Variants in BRINP3 observed in about 807,000 individuals in gnomAD.
BRINP3 encodes the protein BMP/retinoic acid-inducible neural-specific protein 3.
In BRINP3, 19 loss-of-function variants were observed where a neutral mutation model predicts 71.0. The observed-to-expected ratio is 0.27, with a 90% CI of 0.19 to 0.39. The LOEUF (loss-of-function observed/expected upper bound fraction) is 0.39. Ranked by LOEUF, BRINP3 falls within the 10% of genes least tolerant of loss-of-function variation. BRINP3 has a pLI of 1.00. For synonymous variants in BRINP3, 380 were observed against 337.7 expected, an observed-to-expected ratio of 1.13 and a Z score of -1.37; for missense variants, 959 against 940.8, an observed-to-expected ratio of 1.02 and a Z score of -0.25.
chr1:190,330,108 T>C (rs763963125), intron 2 of BRINP3, among the ~76,000 whole-genome samples: 1 of 151,888 alleles, frequency 6.6e-6, no homozygotes, highest in Non-Finnish European at 1.5e-5. Context: ...ACAAAAGCAA[T>C]TGAAACAAAA....
intron 2 of BRINP3, among the ~76,000 whole-genome samples, chr1:190,447,848 T>G (rs1675332214): frequency 6.6e-6 from 1 of 151,710 alleles, no homozygotes; most frequent in South Asian, 2.1e-4. Flanking sequence ...TAGCTCATCC[T>G]AATGTTTTTA....
intron 2 of BRINP3, among the ~76,000 whole-genome samples, chr1:190,405,304 A>C (rs2102378530): frequency 6.6e-6 from 1 of 151,976 alleles, no homozygotes; most frequent in East Asian, 1.9e-4. Flanking sequence ...GCAAAAAATT[A>C]GCCAGGCGTG....
intron 7 of BRINP3, among the ~76,000 whole-genome samples, chr1:190,112,034 G>A (rs1194615956): frequency 1.3e-5 from 2 of 152,122 alleles, no homozygotes; most frequent in Non-Finnish European, 2.9e-5. Context: ...GGAATAAATA[G>A]ATAAAAGGGT....
intron 2 of BRINP3, among the ~76,000 whole-genome samples, chr1:190,377,691 A>AG (rs2102228200): frequency 6.6e-6 from 1 of 151,360 alleles, no homozygotes; most frequent in Non-Finnish European, 1.5e-5. Flanking sequence ...AACCAAGTGA[A>AG]GGACTCAAAA....
Position 190,265,024 on chromosome 1 carries a change from C to T in BRINP3, c.459G>A (p.Lys153=), listed in dbSNP as rs762281262. ...CTTCAGCTCGTTTGCTCAACTTCCG[C>T]TTGTCCACAAAAATTGTGAGTGACT... ...GEESLTIFVD[K]RKLSKRAEGS... The change falls in exon 4 of 8, where the codon AAG becomes AAA. Residue 153 remains lysine (K), a synonymous_variant. Coordinates refer to ENST00000367462, the MANE Select transcript of BRINP3 (RefSeq NM_199051.3). The T allele has an allele frequency of 1.9e-6, 3 of 1,607,740 alleles. No individual in the cohort carries two copies. The East Asian group carries it at 6.7e-5, about 36-fold the overall frequency.
At chr1:190,456,586 T>G (rs1329016968) in intron 1 of BRINP3, among the ~76,000 whole-genome samples, 1 of 152,004 alleles carries the variant, frequency 6.6e-6, no homozygotes, top group African/African-American at 2.4e-5. Context: ...TTTTTTCTTA[T>G]GAGAACTATA....
intron 4 of BRINP3, among the ~76,000 whole-genome samples, chr1:190,253,056 C>A (rs897463840): frequency 7.2e-5 from 11 of 152,102 alleles, no homozygotes; most frequent in Non-Finnish European, 2.9e-5. Flanking sequence ...TGACAGTTTG[C>A]TCAGAATGAT....
intron 4 of BRINP3, among the ~76,000 whole-genome samples, chr1:190,247,158 A>T (rs1466817548): frequency 6.6e-6 from 1 of 152,020 alleles, no homozygotes; most frequent in Non-Finnish European, 1.5e-5. Flanking sequence ...GTTACCAAAA[A>T]AAAACACACC....
intron 5 of BRINP3, among the ~76,000 whole-genome samples, chr1:190,233,247 C>T (rs947382511): frequency 1.3e-5 from 2 of 151,926 alleles, no homozygotes; most frequent in African/African-American, 4.8e-5. Flanking sequence ...CAGTGGAGTG[C>T]GGTGGTGTGG....
chr1:190,160,692 G>A lies in BRINP3; in HGVS notation c.1160C>T (p.Pro387Leu). The change falls in exon 7 of 8, where the codon CCC (proline) becomes CTC (leucine). Residue 387 changes from proline to leucine, a missense_variant. Transcript: ENST00000367462. Reference sequence around the variant, plus strand: ...CCTTTGTCTTGGCAGGCTGATGAGGGGTTGTTTATGACACCTCTTGCTAAG... The same window carrying A: ...CCTTTGTCTTGGCAGGCTGATGAGGAGTTGTTTATGACACCTCTTGCTAAG... ...FSLSKRCHKQ[P>L]LISLPRQRTS... The A allele has an allele frequency of 6.2e-7, 1 of 1,613,074 alleles. No homozygotes were observed. Among genetic ancestry groups the A allele is most frequent in the Non-Finnish European group, 8.5e-7 (1 of 1,179,542 alleles).
intron 4 of BRINP3, among the ~76,000 whole-genome samples, chr1:190,260,818 AT>A (rs956696382): frequency 4.6e-5 from 7 of 152,142 alleles, no homozygotes; most frequent in Non-Finnish European, 8.8e-5. Flanking sequence ...TTCAAGATGG[AT>A]TTTTTTAAGC....
chr1:190,413,168 T>TGTGTCTGTGTGTGCACGTGCATGTGC (rs1355320251), intron 2 of BRINP3, among the ~76,000 whole-genome samples: 3 of 152,148 alleles, frequency 2.0e-5, no homozygotes, highest in Non-Finnish European at 4.4e-5. Context: ...TGTGCATGTG[T>TGTGTCTGTGTGTGCACGTGCATGTGC]GTGTCTGTGT....
intron 1 of BRINP3, among the ~76,000 whole-genome samples, chr1:190,467,825 T>C (rs148063288): frequency 1.5e-3 from 225 of 151,664 alleles, no homozygotes; most frequent in African/African-American, 4.8e-3. Context: ...TTTAAAAACA[T>C]TTTTGAAAAA....
chr1:190,249,218 G>A (rs1659893950), intron 4 of BRINP3, among the ~76,000 whole-genome samples: 1 of 151,858 alleles, frequency 6.6e-6, no homozygotes, highest in African/African-American at 2.4e-5. Context: ...TAAAAATCAT[G>A]TCACGTTCAC....
At chr1:190,375,931 A>C (rs982696103) in intron 2 of BRINP3, among the ~76,000 whole-genome samples, 1 of 151,982 alleles carries the variant, frequency 6.6e-6, no homozygotes, top group Non-Finnish European at 1.5e-5. Context: ...ATTTAAATGA[A>C]AATGTAATCT....
intron 7 of BRINP3, among the ~76,000 whole-genome samples, chr1:190,139,540 T>A (rs188980257): frequency 1.1e-4 from 16 of 152,154 alleles, no homozygotes; most frequent in Non-Finnish European, 2.1e-4. Context: ...AAAATCATAT[T>A]GAATATGAAT....
At chr1:190,411,718 T>C (rs1000595878) in intron 2 of BRINP3, among the ~76,000 whole-genome samples, 2 of 152,202 alleles carry the variant, frequency 1.3e-5, no homozygotes, top group Non-Finnish European at 2.9e-5. Flanking sequence ...TAAAAAGTTA[T>C]GTGTTTTACA....
intron 2 of BRINP3, among the ~76,000 whole-genome samples, chr1:190,439,256 T>C (rs1203744683): frequency 2.0e-5 from 3 of 151,908 alleles, no homozygotes. Context: ...ATAATGTTCA[T>C]ATGAATAGTA....
rs536219882 is a variant in BRINP3, at chr1:190,255,183, C to T, written c.618+9682G>A. 7.4e-3 allele frequency among the ~76,000 whole-genome samples: 1,118 copies of T among 150,546 alleles called. 6 individuals carry two copies. Among genetic ancestry groups the T allele is most frequent in the Non-Finnish European group, 0.012 (811 of 67,732 alleles). On this transcript the variant is annotated intron_variant, in intron 4 of 7. Transcript: ENST00000367462. ...TGCTGGATTCGGTTTGCCAGTATTT[C>T]GTTGAGGATTTTCACATTGATGTTC...
Sources: gnomAD v4.1 joint callset for allele counts (sites outside exome capture counted in the v4.1 genomes callset) on GRCh38, gnomAD v4.1.1 for gene constraint, MANE v1.5 for transcripts, NCBI Gene and HGNC (gene_info 2026-07-23, HGNC 2026-07-21) for gene names.